TMUB2: variants seen among roughly 807,000 people sequenced by gnomAD.
The protein encoded by TMUB2 is transmembrane and ubiquitin-like domain-containing protein 2.
A neutral mutation model predicts 20.2 loss-of-function variants in TMUB2; 19 were observed. The observed-to-expected ratio is 0.94, with a 90% CI of 0.66 to 1.38. TMUB2 has a LOEUF of 1.38. Among genes scored for constraint, TMUB2 ranks in the 40% most tolerant of loss-of-function variants. TMUB2 has a pLI of 0.00. For synonymous variants in TMUB2, 186 were observed against 166.0 expected (o/e 1.12, Z -0.92); for missense variants, 426 against 402.5 (o/e 1.06, Z -0.50).
chr17:44,189,059 G>A lies in TMUB2; in HGVS notation c.73G>A (p.Asp25Asn), dbSNP rs370092505. The A allele has an allele frequency of 3.7e-6, 6 of 1,613,994 alleles. No individual in the cohort carries two copies. The African/African-American group carries it at 6.7e-5, about 18-fold the overall frequency. ...CAGCAGCCAGGCCATGGAGCTCTCT[G>A]ATGTCACCCTCATTGAGGGTGTGGG... ...PASSQAMELS[D>N]VTLIEGVGNE... is the part of the protein sequence containing the mutation. The change falls in exon 3 of 4, where the codon GAT becomes AAT. Residue 25 changes from aspartate (D) to asparagine (N), a missense_variant. Transcript: ENST00000538716.
chr17:44,189,496 C>T lies in TMUB2; in HGVS notation c.510C>T (p.Ser170=), dbSNP rs1450756735. Residue 170 remains serine, a synonymous_variant, in exon 3 of 4, where the codon AGC becomes AGT. Transcript: ENST00000538716. ...AGGATAGCACCTGCCTCCCTCCCAGCCCTGGCCTCATCACTGTGCGGCTCA... is the reference window on the plus strand; with the variant it reads ...AGGATAGCACCTGCCTCCCTCCCAGTCCTGGCCTCATCACTGTGCGGCTCA... ...RSEDSTCLPP[S]PGLITVRLKF... 6.2e-7 allele frequency: 1 copy of T among 1,614,046 alleles called. No homozygotes were observed. The highest frequency in any genetic ancestry group is 1.1e-5 in the South Asian group (1 of 91,070).
chr17:44,188,954 TAAAC>T, intron 2 of TMUB2, 64 bp from the exon 3 acceptor site: 1 of 1,486,592 alleles, frequency 6.7e-7, no homozygotes, highest in Non-Finnish European at 8.9e-7. Context: ...AGTTAGAACC[TAAAC>T]AAACTAGAGA....
intron 1 of TMUB2, chr17:44,187,380 A>G (rs1396917017): frequency 5.7e-6 from 2 of 352,078 alleles, no homozygotes; most frequent in African/African-American, 4.2e-5. Flanking sequence ...CCAAAAGCGG[A>G]ACCTTCGCCT....
chr17:44,187,627 T>C (rs1291495097), intron 1 of TMUB2, 49 bp from the exon 2 acceptor site: 5 of 714,490 alleles, frequency 7.0e-6, no homozygotes, highest in Non-Finnish European at 1.3e-5. Context: ...GGGTTAGTTG[T>C]GGTTGTGATA....
chr17:44,189,456 C>A lies in TMUB2; in HGVS notation c.470C>A (p.Ala157Asp), dbSNP rs766442596. 7 of 1,613,986 alleles carry A rather than the reference C, an allele frequency of 4.3e-6. No individual in the cohort carries two copies. The highest frequency in any genetic ancestry group is 4.2e-6 in the Non-Finnish European group (5 of 1,179,966). Residue 157 changes from alanine to aspartate, a missense_variant, in exon 3 of 4, where the codon GCC becomes GAC. Ala to Asp is a moderately radical substitution (Grantham distance 126). Coordinates refer to ENST00000538716, the MANE Select transcript of TMUB2 (RefSeq NM_001076674.3). The part of the protein sequence containing the change: ...QAGAGSSSPE[A>D]PLRSEDSTCL... Reference sequence around the variant, plus strand: ...GGTGCAGGCAGCAGCAGTCCAGAGGCCCCCCTGAGATCTGAGGATAGCACC... The same window carrying A: ...GGTGCAGGCAGCAGCAGTCCAGAGGACCCCCTGAGATCTGAGGATAGCACC...
At position 44,189,079 on chromosome 17, in the gene TMUB2, T is replaced by C. The variant is rs772161587; in HGVS notation, c.93T>C (p.Gly31=). ...TCTCTGATGTCACCCTCATTGAGGG[T>C]GTGGGTAATGAGGTGATGGTGGTGG... is the stretch of plus-strand genomic sequence containing the variant. The part of the protein sequence containing the change: ...MELSDVTLIE[G]VGNEVMVVAG... The change falls in exon 3 of 4, where the codon GGT becomes GGC. Residue 31 remains glycine, a synonymous_variant. Coordinates refer to ENST00000538716, the MANE Select transcript of TMUB2 (RefSeq NM_001076674.3). 1.2e-6 allele frequency: 2 copies of C among 1,613,396 alleles called. No individual in the cohort carries two copies. Among genetic ancestry groups the C allele is most frequent in the Admixed American group, 1.7e-5 (1 of 59,920 alleles).
intron 2 of TMUB2, chr17:44,188,795 G>A: frequency 8.7e-6 from 5 of 575,128 alleles, no homozygotes; most frequent in Non-Finnish European, 1.1e-5. Context: ...GAGAGAGGAA[G>A]GTCACAGAAC....
At chr17:44,188,370 G>A (rs1567745603) in intron 2 of TMUB2, among the ~76,000 whole-genome samples, 2 of 152,112 alleles carry the variant, frequency 1.3e-5, no homozygotes, top group African/African-American at 2.4e-5. Flanking sequence ...TTTCAGAGGC[G>A]GCACATAATG....
In TMUB2 at chr17:44,189,332, G is replaced by A. The variant is rs766011403; in HGVS notation, c.346G>A (p.Gly116Ser). 1.0e-5 allele frequency: 16 copies of A among 1,591,624 alleles called. No homozygotes were observed. The Admixed American group carries it at 2.5e-4, about 25-fold the overall frequency. ...NDEKAEEAGE[G>S]RGDSTGEAGA... is the part of the protein sequence containing the mutation. ...TGAGAAGGCTGAAGAGGCGGGTGAA[G>A]GTCGGGGAGACTCCACTGGGGAGGC... Residue 116 changes from glycine to serine, a missense_variant, in exon 3 of 4, where the codon GGT becomes AGT. Coordinates refer to ENST00000538716, the MANE Select transcript of TMUB2 (RefSeq NM_001076674.3).
chr17:44,191,472 T>A lies in TMUB2; in HGVS notation c.*608T>A. 15 of 986,162 alleles carry A rather than the reference T, an allele frequency of 1.5e-5. No homozygotes were observed. Among genetic ancestry groups the A allele is most frequent in the Non-Finnish European group, 1.7e-5 (14 of 830,198 alleles). The allele number at this position is 986,162 out of a possible 1,614,324, so 61.1% of individuals were successfully genotyped here. ...TTGCTTGCATTTTATTTTATTTTTT[T>A]AAGAGTCCTTCATAGAGCTCAGTCA... is the stretch of plus-strand genomic sequence containing the variant. On this transcript the variant is annotated 3_prime_UTR_variant, in exon 4 of 4. Coordinates refer to ENST00000538716, the MANE Select transcript of TMUB2 (RefSeq NM_001076674.3).
At position 44,191,731 on chromosome 17, in the gene TMUB2, A is replaced by G. The variant is rs910579568; in HGVS notation, c.*867A>G. The G allele has an allele frequency of 7.1e-6, 7 of 985,532 alleles. No individual in the cohort carries two copies. The African/African-American group carries it at 1.2e-4, about 17-fold the overall frequency. 61.0% of individuals were successfully genotyped at this position (985,532 alleles called of 1,614,324 possible). ...ATAAAGTTCCATTTTGTGGTCCTGC[A>G]GCCTCTTTCTGTGACAGAGAATGGC... On this transcript the variant is annotated 3_prime_UTR_variant, in exon 4 of 4. Transcript: ENST00000538716.
intron 2 of TMUB2, 76 bp downstream of exon 2, chr17:44,187,819 T>C: frequency 1.4e-6 from 1 of 714,154 alleles, no homozygotes; most frequent in Admixed American, 2.0e-5. Flanking sequence ...GTGTTATAGC[T>C]AGTAAGACGC....
chr17:44,190,589 A>G lies in TMUB2; in HGVS notation c.691A>G (p.Asn231Asp). ...QDPARTLRSL[N>D]ITDNCVIHCH... ...CCCAGCCCGCACACTGCGTTCTCTG[A>G]ACATTACCGACAACTGTGTGATTCA... Residue 231 changes from asparagine (N) to aspartate (D), a missense_variant, in exon 4 of 4, where the codon AAC (asparagine) becomes GAC (aspartate). Coordinates refer to ENST00000538716, the MANE Select transcript of TMUB2 (RefSeq NM_001076674.3). 6.2e-7 allele frequency: 1 copy of G among 1,614,182 alleles called. No individual in the cohort carries two copies. The highest frequency in any genetic ancestry group is 8.5e-7 in the Non-Finnish European group (1 of 1,180,038).
Position 44,189,408 on chromosome 17 carries a change from A to C in TMUB2, c.422A>C (p.Gln141Pro), listed in dbSNP as rs1162061081. Residue 141 changes from glutamine to proline, a missense_variant, in exon 3 of 4, where the codon CAA (glutamine) becomes CCA (proline). Gln to Pro is a moderately conservative substitution (Grantham distance 76). Coordinates refer to ENST00000538716, the MANE Select transcript of TMUB2 (RefSeq NM_001076674.3). ...AGCCTTGAGCATCTCCTTGACATCC[A>C]AGGCCTGCCCAAAAGACAAGCAGGT... Reference protein sequence around the residue: ...EPSLEHLLDIQGLPKRQAGAG... With the variant: ...EPSLEHLLDIPGLPKRQAGAG... 1.9e-6 allele frequency: 3 copies of C among 1,613,960 alleles called. No homozygotes were observed. The East Asian group carries it at 6.7e-5, about 36-fold the overall frequency.
In TMUB2 at chr17:44,191,638, T is replaced by G. The variant is rs2055606976; in HGVS notation, c.*774T>G. ...TCCTACCCTGCCCAACTCCAAGGACTGGGTATGGATTGCTGGGCCCTAGGC... is the reference window on the plus strand; with the variant it reads ...TCCTACCCTGCCCAACTCCAAGGACGGGGTATGGATTGCTGGGCCCTAGGC... On this transcript the variant is annotated 3_prime_UTR_variant, in exon 4 of 4. Coordinates refer to ENST00000538716, the MANE Select transcript of TMUB2 (RefSeq NM_001076674.3). The G allele has an allele frequency of 1.0e-6, 1 of 985,792 alleles. No homozygotes were observed. Among genetic ancestry groups the G allele is most frequent in the Non-Finnish European group, 1.2e-6 (1 of 829,908 alleles). 61.1% of individuals were successfully genotyped at this position (985,792 alleles called of 1,614,324 possible).
rs1704233346 is a variant in TMUB2 at position 44,189,122 on chromosome 17, A to G, written c.136A>G (p.Ile46Val). The change falls in exon 3 of 4, where the codon ATT (isoleucine) becomes GTT (valine). Residue 46 changes from isoleucine (I) to valine (V), a missense_variant. Ile to Val is a conservative substitution (Grantham distance 29). Coordinates refer to ENST00000538716, the MANE Select transcript of TMUB2 (RefSeq NM_001076674.3). The part of the protein sequence containing the change: ...VMVVAGVVVL[I>V]LALVLAWLST... The stretch of plus-strand genomic sequence containing the variant: ...GGTGGTGGCAGGTGTGGTGGTGCTG[A>G]TTCTAGCCTTGGTCCTAGCTTGGCT... 6.2e-7 allele frequency: 1 copy of G among 1,613,976 alleles called. No homozygotes were observed. Among genetic ancestry groups the G allele is most frequent in the African/African-American group, 1.3e-5 (1 of 74,982 alleles).
At position 44,188,955 on chromosome 17, in the gene TMUB2, A is replaced by G. The variant is rs2054910497; in HGVS notation, c.36-67A>G. On this transcript the variant is annotated intron_variant, in intron 2 of 3. Coordinates refer to ENST00000538716, the MANE Select transcript of TMUB2 (RefSeq NM_001076674.3). ...TTCAGGGCTGGGTCAGTTAGAACCTAAACAAACTAGAGACCTGGTTGCAAC... is the reference window on the plus strand; with the variant it reads ...TTCAGGGCTGGGTCAGTTAGAACCTGAACAAACTAGAGACCTGGTTGCAAC... 9.4e-6 allele frequency: 14 copies of G among 1,495,638 alleles called. No homozygotes were observed. The South Asian group carries it at 1.8e-4, about 19-fold the overall frequency. 92.6% of individuals were successfully genotyped at this position (1,495,638 alleles called of 1,614,324 possible). A position where few individuals can be genotyped will look rare whatever the true frequency, so the allele number is the denominator to read the frequency against.
At position 44,191,592 on chromosome 17, in the gene TMUB2, A is replaced by G. The variant is rs2055591758; in HGVS notation, c.*728A>G. On this transcript the variant is annotated 3_prime_UTR_variant, in exon 4 of 4. Transcript: ENST00000538716. ...AGTCCTCAGGCTGTAAGCAAGAGAC[A>G]GCACTGGCCCTTGGCCAGCGTCCTA... 3 of 986,010 alleles carry G rather than the reference A, an allele frequency of 3.0e-6. No individual in the cohort carries two copies. The highest frequency in any genetic ancestry group is 3.6e-6 in the Non-Finnish European group (3 of 830,028). 61.1% of individuals were successfully genotyped at this position (986,010 alleles called of 1,614,324 possible).
Position 44,191,847 on chromosome 17 carries a change from G to A in TMUB2, c.*983G>A, listed in dbSNP as rs2055650450. ...GTTTATTTACACCAGCAGCCATGGG[G>A]GCAGAGGGAATACACAGCGTTTACA... On this transcript the variant is annotated 3_prime_UTR_variant, in exon 4 of 4. Coordinates refer to ENST00000538716, the MANE Select transcript of TMUB2 (RefSeq NM_001076674.3). 1.9e-6 allele frequency: 1 copy of A among 536,358 alleles called. No homozygotes were observed. The allele number at this position is 536,358 out of a possible 1,614,324, so 33.2% of individuals were successfully genotyped here.
Sources: allele counts gnomAD v4.1 joint callset (sites outside exome capture counted in the v4.1 genomes callset), GRCh38; gene constraint gnomAD v4.1.1; transcripts MANE v1.5; gene names NCBI Gene and HGNC (gene_info 2026-07-23, HGNC 2026-07-21).